Variants in SELP observed in about 807,000 individuals in gnomAD.
SELP encodes selectin P, also known as P-selectin.
SELP carries 92 observed loss-of-function variants against 104.1 expected under a neutral mutation model. That is an observed-to-expected ratio of 0.88 (90% CI 0.75 to 1.05). The LOEUF (loss-of-function observed/expected upper bound fraction) is 1.05. Among genes scored for constraint, SELP ranks in the 50% least tolerant of loss-of-function variants. The probability of loss-of-function intolerance (pLI) is 0.00; values close to 1 mark genes in which losing one functional copy is unlikely to be tolerated. For synonymous variants in SELP, 397 were observed against 364.5 expected, an observed-to-expected ratio of 1.09 and a Z score of -1.01; for missense variants, 1,022 against 1,017.3, an observed-to-expected ratio of 1.00 and a Z score of -0.06.
At chr1:169,595,826 T>C (rs1571622984) in intron 12 of SELP, 99 bp downstream of exon 12, 5 of 945,046 alleles carry the variant, frequency 5.3e-6, no homozygotes, top group Admixed American at 1.8e-5. Flanking sequence ...CTTGGAGTAG[T>C]GGTTGTGGTT....
At chr1:169,589,552 A>C (rs1661242971) in intron 16 of SELP, 91 bp from the exon 17 acceptor site, 1 of 152,334 alleles carries the variant, frequency 6.6e-6, no homozygotes, top group African/African-American at 2.4e-5. Context: ...GGAGACCAGG[A>C]AAAGGACAGG....
intron 1 of SELP, among the ~76,000 whole-genome samples, chr1:169,623,127 G>C (rs1481729604): frequency 6.6e-6 from 1 of 152,138 alleles, no homozygotes; most frequent in African/African-American, 2.4e-5. Context: ...CTGCTGAAGA[G>C]CACAACTCTG....
intron 16 of SELP, 81 bp from the exon 17 acceptor site, chr1:169,589,542 G>A (rs1330667824): frequency 6.6e-6 from 1 of 152,110 alleles, no homozygotes; most frequent in Non-Finnish European, 1.5e-5. Context: ...GGCTGAATGA[G>A]GAGACCAGGA....
At position 169,603,307 on chromosome 1, in the gene SELP, CTGTGTGTGTGTGTGTG is replaced by C. The variant is rs3035296; in HGVS notation, c.1520-112_1520-97del. On this transcript the variant is annotated intron_variant, in intron 9 of 16. Coordinates refer to ENST00000263686, the MANE Select transcript of SELP (RefSeq NM_003005.4). ...TCTCTCTCTTTCTCCCTCTCTCTCT[CTGTGTGTGTGTGTGTG>C]TGTGTGTGTGTGTGTGTGTGTGTGT... The C allele has an allele frequency of 6.3e-4, 380 of 605,678 alleles. 6 individuals are homozygous for C. The African/African-American group carries it at 7.3e-3, about 12-fold the overall frequency. 37.5% of individuals were successfully genotyped at this position (605,678 alleles called of 1,614,324 possible). A position where few individuals can be genotyped will look rare whatever the true frequency, so the allele number is the denominator to read the frequency against.
chr1:169,610,173 TTA>T (rs1025978170), intron 7 of SELP, among the ~76,000 whole-genome samples: 2 of 148,110 alleles, frequency 1.4e-5, no homozygotes, highest in African/African-American at 5.2e-5. Flanking sequence ...AATGCTGGAC[TTA>T]TAGGGAAAAA....
rs1286988191 is a variant in SELP, at chr1:169,617,403, G to A, written c.106C>T (p.Gln36Ter). 6 of 1,613,664 alleles carry A rather than the reference G, an allele frequency of 3.7e-6. No homozygotes were observed. The highest frequency in any genetic ancestry group is 5.1e-6 in the Non-Finnish European group (6 of 1,179,810). The change falls in exon 3 of 17, where the codon CAG (glutamine) becomes TAG (stop). Residue 36 changes from glutamine to a stop codon, truncating the protein, a stop_gained. Transcript: ENST00000263686. LOFTEE classifies it high-confidence loss of function. Reference sequence around the variant, plus strand: ...TAAGTCCATGCTGCCACTTCTTTCTGGTTTGTTAGTTCTAGAGTAAAGGAG... The same window carrying A: ...TAAGTCCATGCTGCCACTTCTTTCTAGTTTGTTAGTTCTAGAGTAAAGGAG... Reference protein sequence around the residue: ...FSALISELTNQKEVAAWTYHY... With the variant: ...FSALISELTN
Position 169,603,305 on chromosome 1 carries a change from C to CTGTGTGTGTGTGTGTGTG in SELP, c.1520-95_1520-94insCACACACACACACACACA, listed in dbSNP as rs1484274963. Reference sequence around the variant, plus strand: ...TCTCTCTCTCTTTCTCCCTCTCTCTCTCTGTGTGTGTGTGTGTGTGTGTGT... The same window carrying CTGTGTGTGTGTGTGTGTG: ...TCTCTCTCTCTTTCTCCCTCTCTCTCTGTGTGTGTGTGTGTGTGTCTGTGTGTGTGTGTGTGTGTGTGT... On this transcript the variant is annotated intron_variant, in intron 9 of 16. Coordinates refer to ENST00000263686, the MANE Select transcript of SELP (RefSeq NM_003005.4). The CTGTGTGTGTGTGTGTGTG allele has an allele frequency of 1.1e-3, 716 of 647,628 alleles. 1 individual carries two copies. The highest frequency in any genetic ancestry group is 1.7e-3 in the Admixed American group (46 of 27,080). 40.1% of individuals were successfully genotyped at this position (647,628 alleles called of 1,614,324 possible). A position where few individuals can be genotyped will look rare whatever the true frequency, so the allele number is the denominator to read the frequency against.
chr1:169,618,521 C>G (rs536599049), intron 2 of SELP, among the ~76,000 whole-genome samples: 1 of 152,170 alleles, frequency 6.6e-6, no homozygotes, highest in Non-Finnish European at 1.5e-5. Context: ...GTGTACAAAG[C>G]AAGCAATCAG....
At chr1:169,629,492 T>C (rs1663531810) in intron 1 of SELP, among the ~76,000 whole-genome samples, 1 of 152,258 alleles carries the variant, frequency 6.6e-6, no homozygotes, top group Admixed American at 6.5e-5. Context: ...ACTGAGTCAT[T>C]AACAAGATTG....
intron 6 of SELP, among the ~76,000 whole-genome samples, chr1:169,611,955 T>C (rs1028606031): frequency 1.3e-5 from 2 of 152,148 alleles, no homozygotes; most frequent in Admixed American, 1.3e-4. Context: ...CACTTATAGA[T>C]GTAGAGGCCA....
Position 169,603,091 on chromosome 1 carries a change from G to C in SELP, c.1640C>G (p.Ser547Cys). 1 of 1,614,066 alleles carries C rather than the reference G, an allele frequency of 6.2e-7. No homozygotes were observed. The highest frequency in any genetic ancestry group is 2.2e-5 in the East Asian group (1 of 44,866). ...QFICDEGYSL[S>C]GPERLDCTRS... ...AGTACAATCCAATCTTTCTGGTCCA[G>C]ACAAAGAATATCCCTCGTCACAGAT... The change falls in exon 10 of 17, where the codon TCT becomes TGT. Residue 547 changes from serine to cysteine, a missense_variant. Transcript: ENST00000263686.
intron 1 of SELP, among the ~76,000 whole-genome samples, chr1:169,626,530 G>A (rs1663383292): frequency 6.6e-6 from 1 of 152,254 alleles, no homozygotes; most frequent in African/African-American, 2.4e-5. Context: ...GCAGTGAGCT[G>A]AGATGGCACT....
intron 14 of SELP, among the ~76,000 whole-genome samples, chr1:169,593,231 A>C (rs1661430941): frequency 6.6e-6 from 1 of 152,206 alleles, no homozygotes; most frequent in African/African-American, 2.4e-5. Flanking sequence ...AAATGAGTGA[A>C]GTCAGGAAGC....
intron 1 of SELP, 94 bp from the exon 2 acceptor site, chr1:169,619,313 A>G (rs1662977549): frequency 4.4e-6 from 4 of 908,042 alleles, no homozygotes; most frequent in Non-Finnish European, 6.9e-6. Flanking sequence ...TTGAAGTATA[A>G]TTGTGCCAAT....
intron 1 of SELP, among the ~76,000 whole-genome samples, chr1:169,625,756 G>T (rs1288851692): frequency 6.6e-6 from 1 of 152,174 alleles, no homozygotes; most frequent in African/African-American, 2.4e-5. Context: ...ATAACTGAAT[G>T]CATTACTTTT....
chr1:169,596,201 TAA>T, intron 11 of SELP, 67 bp from the exon 12 acceptor site: 3 of 1,388,582 alleles, frequency 2.2e-6, no homozygotes, highest in Non-Finnish European at 3.0e-6. Flanking sequence ...GAGTTAAGGC[TAA>T]TCTGGAATAA....
At position 169,590,169 on chromosome 1, in the gene SELP, A is replaced by C; in HGVS notation, c.2472T>G (p.Ala824=). The change falls in exon 16 of 17, where the codon GCT becomes GCG. Residue 824 remains alanine (A), a synonymous_variant. Transcript: ENST00000263686. ...TACCTTAAGGACTCGGGTCAAATGC[A>C]GCGTTTGTAAAAACTCCATATGTTC... ...HLGTYGVFTN[A]AFDPSP The C allele has an allele frequency of 6.2e-7, 1 of 1,613,270 alleles. No individual in the cohort carries two copies. Among genetic ancestry groups the C allele is most frequent in the Non-Finnish European group, 8.5e-7 (1 of 1,179,220 alleles).
chr1:169,611,423 C>A, intron 7 of SELP, 69 bp downstream of exon 7: 1 of 1,477,148 alleles, frequency 6.8e-7, no homozygotes, highest in Non-Finnish European at 9.3e-7. Context: ...ACACTGAGAG[C>A]CCTTGGCCTC....
intron 3 of SELP, 131 bp downstream of exon 3, chr1:169,616,897 T>TC (rs1247215315): frequency 1.0e-6 from 1 of 976,064 alleles, no homozygotes; most frequent in Non-Finnish European, 1.5e-6. Flanking sequence ...ACTGATTGAC[T>TC]AACAATTTAC....
Sources: allele counts gnomAD v4.1 joint callset (sites outside exome capture counted in the v4.1 genomes callset), GRCh38; gene constraint gnomAD v4.1.1; transcripts MANE v1.5; gene names NCBI Gene and HGNC (gene_info 2026-07-23, HGNC 2026-07-21).